Variants in SENP6 observed in about 807,000 individuals in gnomAD.
SENP6 encodes the protein SUMO specific peptidase 6, also known as sentrin-specific protease 6.
A neutral mutation model predicts 134.5 loss-of-function variants in SENP6; 41 were observed. The ratio of observed to expected loss-of-function variants is 0.30; its 90% CI spans 0.24 to 0.40. SENP6 has a LOEUF of 0.40. Ranked by LOEUF, SENP6 falls within the 10% of genes least tolerant of loss-of-function variation. The probability of loss-of-function intolerance (pLI) is 1.00; values close to 1 mark genes in which losing one functional copy is unlikely to be tolerated. For synonymous variants in SENP6, 395 were observed against 429.8 expected (o/e 0.92, Z 1.00); for missense variants, 1,248 against 1,312.5 (o/e 0.95, Z 0.76).
At chr6:75,643,166 CAAAAT>C (rs531948031) in intron 6 of SENP6, among the ~76,000 whole-genome samples, 69 of 151,700 alleles carry the variant, frequency 4.5e-4, no homozygotes, top group African/African-American at 1.6e-3. Context: ...AAAGAGGAAA[CAAAAT>C]GAAATAATAA....
rs1776053005 is a variant in SENP6 at position 75,717,038 on chromosome 6, A to G, written c.*1444A>G. 1 of 152,000 alleles carries G rather than the reference A, an allele frequency of 6.6e-6. No homozygotes were observed. Among genetic ancestry groups the G allele is most frequent in the African/African-American group, 2.4e-5 (1 of 41,448 alleles). 9.4% of individuals were successfully genotyped at this position (152,000 alleles called of 1,614,324 possible). A position where few individuals can be genotyped will look rare whatever the true frequency, so the allele number is the denominator to read the frequency against. The stretch of plus-strand genomic sequence containing the variant: ...ATATTAAAATGTAAGAAAGGTCACC[A>G]TTAGTGATATCAACTGTAGTTTGTT... On this transcript the variant is annotated 3_prime_UTR_variant, in exon 24 of 24. Coordinates refer to ENST00000447266, the MANE Select transcript of SENP6 (RefSeq NM_015571.4).
At chr6:75,628,411 GTAT>G (rs1480444663) in intron 3 of SENP6, among the ~76,000 whole-genome samples, 1 of 151,992 alleles carries the variant, frequency 6.6e-6, no homozygotes, top group Non-Finnish European at 1.5e-5. Flanking sequence ...GATCTAAAAA[GTAT>G]TATTACAGAT....
intron 9 of SENP6, among the ~76,000 whole-genome samples, chr6:75,664,799 T>C (rs1772068223): frequency 6.6e-6 from 1 of 152,180 alleles, no homozygotes; most frequent in East Asian, 1.9e-4. Flanking sequence ...ACGCATGACT[T>C]TTGAATGCTT....
rs1179970070 is a variant in SENP6, at chr6:75,716,455, TA to T, written c.*862del. ...CACAGGAATTTAAATAGGAATTTAC[TA>T]TTTTTTTATAAAGCTTTTGCTATTT... On this transcript the variant is annotated 3_prime_UTR_variant, in exon 24 of 24. Transcript: ENST00000447266. The T allele has an allele frequency of 1.3e-5, 2 of 152,038 alleles. No homozygotes were observed. Among genetic ancestry groups the T allele is most frequent in the Non-Finnish European group, 1.5e-5 (1 of 67,876 alleles). The allele number at this position is 152,038 out of a possible 1,614,324, so 9.4% of individuals were successfully genotyped here. A position where few individuals can be genotyped will look rare whatever the true frequency, so the allele number is the denominator to read the frequency against.
intron 19 of SENP6, among the ~76,000 whole-genome samples, chr6:75,707,596 A>G (rs6915232): frequency 2.8e-4 from 43 of 151,974 alleles, no homozygotes; most frequent in African/African-American, 1.0e-3. Context: ...GTGTTCAAGC[A>G]ATCCTCCCAT....
At chr6:75,675,687 G>C in intron 12 of SENP6, 173 bp from the exon 13 acceptor site, 1 of 800,014 alleles carries the variant, frequency 1.2e-6, no homozygotes, top group Non-Finnish European at 2.0e-6. Flanking sequence ...AAATAAAAAA[G>C]TTTCTTTAAG....
intron 7 of SENP6, among the ~76,000 whole-genome samples, chr6:75,653,864 A>G (rs1462117855): frequency 6.6e-6 from 1 of 152,180 alleles, no homozygotes; most frequent in South Asian, 2.1e-4. Flanking sequence ...GTAAAAGCCA[A>G]TTTAAAATGT....
At chr6:75,608,570 AG>A (rs1767209241) in intron 1 of SENP6, among the ~76,000 whole-genome samples, 2 of 152,282 alleles carry the variant, frequency 1.3e-5, no homozygotes, top group South Asian at 4.1e-4. Flanking sequence ...GAAGGAGAAA[AG>A]AAAGTGATTT....
At chr6:75,640,908 G>C (rs1032678458) in intron 6 of SENP6, among the ~76,000 whole-genome samples, 3 of 152,146 alleles carry the variant, frequency 2.0e-5, no homozygotes, top group African/African-American at 7.2e-5. Flanking sequence ...TGTATGATCA[G>C]ATCAGGGTAA....
intron 1 of SENP6, among the ~76,000 whole-genome samples, chr6:75,616,754 A>G (rs960646519): frequency 6.6e-6 from 1 of 152,008 alleles, no homozygotes; most frequent in Non-Finnish European, 1.5e-5. Context: ...TCAAAAAAAA[A>G]AAAAAAAAAA....
intron 7 of SENP6, among the ~76,000 whole-genome samples, chr6:75,657,131 A>C (rs1414596639): frequency 6.6e-6 from 1 of 152,210 alleles, no homozygotes; most frequent in East Asian, 1.9e-4. Context: ...TTATAAGGAA[A>C]AAGCTTTCCT....
chr6:75,671,810 T>C (rs1269846463), intron 11 of SENP6, among the ~76,000 whole-genome samples: 3 of 152,178 alleles, frequency 2.0e-5, no homozygotes, highest in Non-Finnish European at 4.4e-5. Context: ...AACTGTTTCT[T>C]TTCTGGTAAA....
At chr6:75,640,619 A>G (rs1349323160) in intron 5 of SENP6, 65 bp from the exon 6 acceptor site, 3 of 1,097,148 alleles carry the variant, frequency 2.7e-6, no homozygotes, top group African/African-American at 1.6e-5. Context: ...AGTTACTGCA[A>G]CTACAGTGAT....
chr6:75,679,897 C>T (rs1238910721), intron 16 of SENP6: 18 of 151,962 alleles, frequency 1.2e-4, no homozygotes. Flanking sequence ...GATTTTATAG[C>T]CTATTGGTGG....
intron 16 of SENP6, among the ~76,000 whole-genome samples, chr6:75,693,406 A>AC (rs1554181764): frequency 1.6e-5 from 2 of 122,892 alleles, no homozygotes; most frequent in Non-Finnish European, 3.5e-5. Flanking sequence ...TCAGTCTGAA[A>AC]TTTAAAAAAA....
In SENP6 at chr6:75,678,407, A is replaced by C. The variant is rs954657723; in HGVS notation, c.1849-176A>C. 18 of 528,864 alleles carry C rather than the reference A, an allele frequency of 3.4e-5. No homozygotes were observed. In the African/African-American group the frequency reaches 3.6e-4, roughly 11 times the overall value. The allele number at this position is 528,864 out of a possible 1,614,324, so 32.8% of individuals were successfully genotyped here. A position where few individuals can be genotyped will look rare whatever the true frequency, so the allele number is the denominator to read the frequency against. On this transcript the variant is annotated intron_variant, in intron 14 of 23. Transcript: ENST00000447266. ...CTATCTAGAAGCTACAGATAATAAG[A>C]AAGTGGCCCCTAGTTTTGCCTGTTT...
chr6:75,703,648 G>C (rs1447008547), intron 19 of SENP6, among the ~76,000 whole-genome samples: 1 of 152,158 alleles, frequency 6.6e-6, no homozygotes, highest in African/African-American at 2.4e-5. Flanking sequence ...GGTGGTCCCA[G>C]CTACTTAGGA....
intron 7 of SENP6, among the ~76,000 whole-genome samples, chr6:75,656,388 A>C (rs1196473302): frequency 6.6e-6 from 1 of 152,104 alleles, no homozygotes; most frequent in African/African-American, 2.4e-5. Context: ...ACTTCTCTGG[A>C]GTAATCTGTT....
At chr6:75,603,727 C>G (rs932086011) in intron 1 of SENP6, among the ~76,000 whole-genome samples, 1 of 152,032 alleles carries the variant, frequency 6.6e-6, no homozygotes, top group Non-Finnish European at 1.5e-5. Flanking sequence ...GCCTGGAACA[C>G]AGTAGGTACT....
Sources: gnomAD v4.1 joint callset for allele counts (sites outside exome capture counted in the v4.1 genomes callset) on GRCh38, gnomAD v4.1.1 for gene constraint, MANE v1.5 for transcripts, NCBI Gene and HGNC (gene_info 2026-07-23, HGNC 2026-07-21) for gene names.